Variants in RELN observed in about 807,000 individuals in gnomAD.
The protein encoded by RELN is reelin.
Under a neutral mutation model 427.6 loss-of-function variants are expected in RELN, and 108 were observed. That is an observed-to-expected ratio of 0.25 (90% CI 0.22 to 0.30). RELN has a LOEUF of 0.30. Ranked by LOEUF, RELN falls within the 10% of genes least tolerant of loss-of-function variation. The pLI, the probability that RELN is intolerant of heterozygous loss-of-function variation, is 1.00. For missense variants in RELN, 3,715 were observed against 4,302.8 expected (o/e 0.86, Z 3.82); for synonymous variants, 1,524 against 1,513.4 (o/e 1.01, Z -0.16).
Position 103,483,911 on chromosome 7 carries a change from G to A in RELN, c.9984-61C>T, listed in dbSNP as rs1167586453. 7 of 1,497,354 alleles carry A rather than the reference G, an allele frequency of 4.7e-6. No individual in the cohort carries two copies. The African/African-American group carries it at 5.6e-5, about 12-fold the overall frequency. 92.8% of individuals were successfully genotyped at this position (1,497,354 alleles called of 1,614,324 possible). On this transcript the variant is annotated intron_variant, in intron 61 of 64. Coordinates refer to ENST00000428762, the MANE Select transcript of RELN (RefSeq NM_005045.4). ...TATTTATTTTTTGAGATGGAGTCTT[G>A]CTCTGTCACCCAGGCTGGAGTACAG... is the stretch of plus-strand genomic sequence containing the variant.
chr7:103,534,413 C>A (rs1293056023), intron 46 of RELN, among the ~76,000 whole-genome samples: 1 of 152,182 alleles, frequency 6.6e-6, no homozygotes, highest in Non-Finnish European at 1.5e-5. Flanking sequence ...TTTACTCAAA[C>A]AGGAGTGGAA....
intron 63 of RELN, 142 bp downstream of exon 63, chr7:103,482,731 G>T: frequency 6.5e-7 from 1 of 1,529,538 alleles, no homozygotes. Context: ...ATAGCTTGCA[G>T]TTGCAAAAGA....
rs1281361005 is a variant in RELN, at chr7:103,521,921, ACC to A, written c.7668+99_7668+100del. The stretch of plus-strand genomic sequence containing the variant: ...CAGGGTTGTACATTTAGGGTAACTA[ACC>A]CTGCATCTTGATTTGCCCATTAAAC... On this transcript the variant is annotated intron_variant, in intron 48 of 64. Coordinates refer to ENST00000428762, the MANE Select transcript of RELN (RefSeq NM_005045.4). The A allele has an allele frequency of 5.9e-6, 7 of 1,186,306 alleles. No homozygotes were observed. In the Admixed American group the frequency reaches 1.2e-4, roughly 20 times the overall value. 73.5% of individuals were successfully genotyped at this position (1,186,306 alleles called of 1,614,324 possible). A position where few individuals can be genotyped will look rare whatever the true frequency, so the allele number is the denominator to read the frequency against.
At position 103,824,069 on chromosome 7, in the gene RELN, T is replaced by C. The variant is rs1201310213; in HGVS notation, c.473+9468A>G. Among the ~76,000 whole-genome samples, 6 of 152,104 alleles carry C rather than the reference T, an allele frequency of 3.9e-5. No homozygotes were observed. Among genetic ancestry groups the C allele is most frequent in the Admixed American group, 3.9e-4 (6 of 15,234 alleles). ...CTTTTCTATTTTGTCACCTTTGATG[T>C]TTTCTGTCGTTGATATACTGAAGGC... On this transcript the variant is annotated intron_variant, in intron 3 of 64. Transcript: ENST00000428762. This position sits in a 1 kb window ranked among gnomAD's most constrained non-coding sequence, Gnocchi z 4.4.
intron 2 of RELN, among the ~76,000 whole-genome samples, chr7:103,856,915 T>C (rs925590306): frequency 1.3e-5 from 2 of 152,082 alleles, no homozygotes; most frequent in Middle Eastern, 3.2e-3. Flanking sequence ...CTTTAAAATA[T>C]ATATATTGAA....
chr7:103,478,381 G>C lies in RELN; in HGVS notation c.10286+8C>G. The C allele has an allele frequency of 2.6e-6, 2 of 758,046 alleles. No homozygotes were observed. The highest frequency in any genetic ancestry group is 4.8e-6 in the Non-Finnish European group (2 of 414,178). 47.0% of individuals were successfully genotyped at this position (758,046 alleles called of 1,614,324 possible). A position where few individuals can be genotyped will look rare whatever the true frequency, so the allele number is the denominator to read the frequency against. On this transcript the variant is annotated splice_region_variant and intron_variant, in intron 64 of 64. Coordinates refer to ENST00000428762, the MANE Select transcript of RELN (RefSeq NM_005045.4). ...AACAGTTCCCCAGATTTAGTAAGGAGGACTTACCTTACTCTAGTGGAAAAC... is the reference window on the plus strand; with the variant it reads ...AACAGTTCCCCAGATTTAGTAAGGACGACTTACCTTACTCTAGTGGAAAAC...
chr7:103,775,592 C>T (rs938493935), intron 4 of RELN, among the ~76,000 whole-genome samples: 3 of 152,072 alleles, frequency 2.0e-5, no homozygotes, highest in Admixed American at 1.3e-4. Flanking sequence ...TAATATAATT[C>T]TAAAAGTTAA....
intron 7 of RELN, among the ~76,000 whole-genome samples, chr7:103,727,767 C>G (rs138109093): frequency 4.8e-4 from 73 of 152,112 alleles, no homozygotes; most frequent in African/African-American, 1.8e-3. Flanking sequence ...AAAATAAGGA[C>G]AATTTTAAGA....
Position 103,698,112 on chromosome 7 carries a change from T to C in RELN, c.903-19A>G, listed in dbSNP as rs1318542187. On this transcript the variant is annotated intron_variant, in intron 9 of 64. Coordinates refer to ENST00000428762, the MANE Select transcript of RELN (RefSeq NM_005045.4). ...AGGGGCTCTGGAACATACAGAGAGA[T>C]GGCAAGTTTAGCAATGCTGACTTTT... 1 of 1,613,464 alleles carries C rather than the reference T, an allele frequency of 6.2e-7. No homozygotes were observed. The highest frequency in any genetic ancestry group is 1.3e-5 in the African/African-American group (1 of 74,908).
At chr7:103,740,882 T>C (rs879594204) in intron 6 of RELN, among the ~76,000 whole-genome samples, 1 of 143,052 alleles carries the variant, frequency 7.0e-6, no homozygotes, top group Non-Finnish European at 1.5e-5. Flanking sequence ...TATGCTCTTA[T>C]AAGTAGCACA....
intron 6 of RELN, among the ~76,000 whole-genome samples, chr7:103,733,578 G>A (rs1208732076): frequency 6.8e-6 from 1 of 146,298 alleles, no homozygotes; most frequent in South Asian, 2.3e-4. Flanking sequence ...AAGAAAATGT[G>A]GCACATATAC....
intron 2 of RELN, among the ~76,000 whole-genome samples, chr7:103,838,002 T>A (rs902750055): frequency 5.7e-4 from 87 of 151,834 alleles, no homozygotes; most frequent in Admixed American, 2.0e-4. Context: ...GGTAAGGAGA[T>A]CCAGACCATC....
chr7:103,740,759 T>C (rs1487821410), intron 6 of RELN, among the ~76,000 whole-genome samples: 1 of 152,236 alleles, frequency 6.6e-6, no homozygotes, highest in Admixed American at 6.5e-5. Flanking sequence ...TAAATTGACC[T>C]ACCTCTCTAA....
rs1050096873 is a variant in RELN at position 103,968,182 on chromosome 7, GAA to G, written c.226+20947_226+20948del. Among the ~76,000 whole-genome samples the G allele has an allele frequency of 1.3e-5, 2 of 151,804 alleles. No homozygotes were observed. Among genetic ancestry groups the G allele is most frequent in the African/African-American group, 4.8e-5 (2 of 41,360 alleles). On this transcript the variant is annotated intron_variant, in intron 1 of 64. Coordinates refer to ENST00000428762, the MANE Select transcript of RELN (RefSeq NM_005045.4). The surrounding 1 kb of genome is among the most constrained non-coding windows in gnomAD (Gnocchi z 4.3). ...CAACAAATGTATATTGATTTTAAAG[GAA>G]AATAAATAATTTTCCCCCAAACAAG...
intron 64 of RELN, among the ~76,000 whole-genome samples, chr7:103,474,144 A>G (rs1324400936): frequency 5.3e-5 from 8 of 152,336 alleles, no homozygotes; most frequent in South Asian, 4.1e-4. Flanking sequence ...CTTGTAAAAT[A>G]TAAACTTTAA....
chr7:103,572,034 G>A lies in RELN; in HGVS notation c.4588+150C>T, dbSNP rs547712660. On this transcript the variant is annotated intron_variant, in intron 31 of 64. Transcript: ENST00000428762. Reference sequence around the variant, plus strand: ...AAGAAATCTTAGAGATCTTGGCTCTGTGCAGCCACCGATTCTACAAAGCAG... The same window carrying A: ...AAGAAATCTTAGAGATCTTGGCTCTATGCAGCCACCGATTCTACAAAGCAG... The A allele has an allele frequency of 4.6e-5, 31 of 674,632 alleles. No homozygotes were observed. In the Admixed American group the frequency reaches 6.3e-4, roughly 14 times the overall value. The allele number at this position is 674,632 out of a possible 1,614,324, so 41.8% of individuals were successfully genotyped here.
intron 41 of RELN, among the ~76,000 whole-genome samples, chr7:103,546,393 A>G (rs556788062): frequency 1.3e-5 from 2 of 152,296 alleles, no homozygotes; most frequent in Non-Finnish European, 2.9e-5. Context: ...TTGTTTACCC[A>G]TTCATTAGTT....
intron 2 of RELN, among the ~76,000 whole-genome samples, chr7:103,834,113 T>C (rs1287742253): frequency 6.6e-6 from 1 of 152,156 alleles, no homozygotes; most frequent in Admixed American, 6.5e-5. Context: ...GGCAAGGTGA[T>C]CAGGTTTGCT....
intron 2 of RELN, among the ~76,000 whole-genome samples, chr7:103,834,211 G>A (rs761274407): frequency 4.7e-4 from 72 of 152,194 alleles, no homozygotes; most frequent in Non-Finnish European, 9.6e-4. Context: ...TTTTCACTGA[G>A]TATCTTAGTT....
Sources: allele counts gnomAD v4.1 joint callset (sites outside exome capture counted in the v4.1 genomes callset), GRCh38; gene constraint gnomAD v4.1.1; non-coding constraint Gnocchi (gnomAD v3.1); transcripts MANE v1.5; gene names NCBI Gene and HGNC (gene_info 2026-07-23, HGNC 2026-07-21).